The following EPHA10 variants were observed in gnomAD, a reference collection of about 807,000 sequenced individuals.
EPHA10 encodes ephrin type-A receptor 10.
Under a neutral mutation model 109.7 loss-of-function variants are expected in EPHA10, and 120 were observed. The observed-to-expected ratio is 1.09, with a 90% CI of 0.94 to 1.27. EPHA10 has a LOEUF of 1.27. EPHA10 is among the 50% of genes most tolerant of loss of function. The probability of loss-of-function intolerance (pLI) is 0.00; values close to 1 mark genes in which losing one functional copy is unlikely to be tolerated. For missense variants in EPHA10, 1,396 were observed against 1,411.1 expected (o/e 0.99, Z 0.17); for synonymous variants, 640 against 618.9 (o/e 1.03, Z -0.51).
At chr1:37,751,871 C>CA (rs150137057) in intron 5 of EPHA10, among the ~76,000 whole-genome samples, 28,201 of 127,292 alleles carry the variant, frequency 0.22, 2,651 homozygotes, top group South Asian at 0.28. Flanking sequence ...GACTCTGTCT[C>CA]AAAAAAAAAA....
chr1:37,757,045 C>T (rs1305450521), intron 3 of EPHA10, among the ~76,000 whole-genome samples: 1 of 152,144 alleles, frequency 6.6e-6, no homozygotes, highest in African/African-American at 2.4e-5. Flanking sequence ...CCAGGCTGAT[C>T]TTGAACTCCT....
chr1:37,759,717 A>G (rs1422220070), intron 3 of EPHA10, among the ~76,000 whole-genome samples: 1 of 152,088 alleles, frequency 6.6e-6, no homozygotes, highest in Non-Finnish European at 1.5e-5. Flanking sequence ...CAAGAACTCC[A>G]GGCTGTAATG....
intron 5 of EPHA10, among the ~76,000 whole-genome samples, chr1:37,738,485 C>G (rs1382015606): frequency 6.6e-6 from 1 of 152,160 alleles, no homozygotes; most frequent in African/African-American, 2.4e-5. Context: ...TTTAGGATGA[C>G]CACTACCAAA....
intron 5 of EPHA10, among the ~76,000 whole-genome samples, chr1:37,738,566 T>C (rs2148341593): frequency 6.6e-6 from 1 of 152,242 alleles, no homozygotes; most frequent in South Asian, 2.1e-4. Flanking sequence ...TGTGTAGGAA[T>C]GTAAATTGGT....
chr1:37,734,956 A>G (rs1646044611), intron 6 of EPHA10, among the ~76,000 whole-genome samples: 1 of 152,170 alleles, frequency 6.6e-6, no homozygotes, highest in African/African-American at 2.4e-5. Flanking sequence ...AATGATACGT[A>G]TAAGATTCAG....
At chr1:37,731,701 C>T (rs564012777) in intron 6 of EPHA10, 119 bp from the exon 7 acceptor site, 50 of 1,112,378 alleles carry the variant, frequency 4.5e-5, no homozygotes, top group Middle Eastern at 3.2e-4. Flanking sequence ...GGGCTGAGTG[C>T]GAAAACCCAA....
At chr1:37,715,916 G>A (rs1305639775), downstream of EPHA10, 1 of 568,646 alleles carries the variant, frequency 1.8e-6, no homozygotes, top group African/African-American at 1.8e-5. Flanking sequence ...GAAGGGGGCA[G>A]AAGCCCTTCC....
At chr1:37,747,412 G>A (rs188885160) in intron 5 of EPHA10, among the ~76,000 whole-genome samples, 36 of 152,040 alleles carry the variant, frequency 2.4e-4, no homozygotes, top group Non-Finnish European at 4.7e-4. Context: ...TTAGCCAGGC[G>A]TAGTGGTGTG....
At chr1:37,723,983 G>A (rs942124964) in intron 8 of EPHA10, among the ~76,000 whole-genome samples, 2 of 152,254 alleles carry the variant, frequency 1.3e-5, no homozygotes, top group Non-Finnish European at 2.9e-5. Flanking sequence ...CCAAGATAAA[G>A]ACTTTGGCTT....
At position 37,723,389 on chromosome 1, in the gene EPHA10, G is replaced by C. The variant is rs1192197497; in HGVS notation, c.1773-17C>G. The C allele has an allele frequency of 6.2e-7, 1 of 1,613,472 alleles. No homozygotes were observed. The highest frequency in any genetic ancestry group is 8.5e-7 in the Non-Finnish European group (1 of 1,179,760). On this transcript the variant is annotated splice_polypyrimidine_tract_variant and intron_variant, in intron 8 of 16. Transcript: ENST00000373048. The stretch of plus-strand genomic sequence containing the variant: ...CTGCAGGGCCTGGCAGGGAGTTCAG[G>C]GTCATTCTTTCAGCCAGGCCACCCC...
At position 37,735,377 on chromosome 1, in the gene EPHA10, C is replaced by T. The variant is rs751312610; in HGVS notation, c.1371G>A (p.Glu457=). ...VSTGPGAPWE[E]DEIRRDRVEP... ...CCACTCGGTCCCTGCGGATCTCATCCTCCTCCCAGGGCGCTGAAAGTAAGT... is the reference window on the plus strand; with the variant it reads ...CCACTCGGTCCCTGCGGATCTCATCTTCCTCCCAGGGCGCTGAAAGTAAGT... Residue 457 remains glutamate, a synonymous_variant, in exon 6 of 17, where the codon GAG becomes GAA. Coordinates refer to ENST00000373048, the MANE Select transcript of EPHA10 (RefSeq NM_001099439.2). The T allele has an allele frequency of 4.4e-6, 7 of 1,581,236 alleles. No individual in the cohort carries two copies. Among genetic ancestry groups the T allele is most frequent in the Middle Eastern group, 1.7e-4 (1 of 6,026 alleles).
Position 37,765,027 on chromosome 1 carries a change from G to C in EPHA10, c.40C>G (p.Leu14Val), listed in dbSNP as rs139950312. ...CAGPHPLRLF[L>V]CRMQLCLALL... is the part of the protein sequence containing the mutation. ...GCGAGACAGAGCTGCATCCGGCAGA[G>C]GAAGAGGCGCAGCGGGTGTGGACCG... Residue 14 changes from leucine to valine, a missense_variant, in exon 1 of 17, where the codon CTC becomes GTC. Physicochemically the swap from Leu to Val is conservative, Grantham distance 32 (BLOSUM62 1). Transcript: ENST00000373048. The C allele has an allele frequency of 1.9e-4, 306 of 1,610,312 alleles. No homozygotes were observed. In the African/African-American group the frequency reaches 3.7e-3, roughly 19 times the overall value.
Position 37,717,688 on chromosome 1 carries a change from C to G in EPHA10, c.*684G>C, listed in dbSNP as rs2148299854. On this transcript the variant is annotated 3_prime_UTR_variant, in exon 17 of 17. Transcript: ENST00000373048. ...AGGGCCTCTCATGGCCCGGCCTGGCCAGGACTTTTGGCCTCACCCTGAACT... is the reference window on the plus strand; with the variant it reads ...AGGGCCTCTCATGGCCCGGCCTGGCGAGGACTTTTGGCCTCACCCTGAACT... 4.3e-6 allele frequency: 1 copy of G among 231,576 alleles called. No individual in the cohort carries two copies. Among genetic ancestry groups the G allele is most frequent in the African/African-American group, 2.2e-5 (1 of 45,346 alleles). The allele number at this position is 231,576 out of a possible 1,614,324, so 14.3% of individuals were successfully genotyped here.
intron 5 of EPHA10, among the ~76,000 whole-genome samples, chr1:37,742,493 T>C (rs1164509639): frequency 2.6e-5 from 4 of 152,216 alleles, no homozygotes; most frequent in Admixed American, 6.5e-5. Flanking sequence ...ACAGTTCTTT[T>C]TCTGCCTCTG....
rs565778794 is a variant in EPHA10 at position 37,724,643 on chromosome 1, C to T, written c.1773-1271G>A. Reference sequence around the variant, plus strand: ...GGTAGAGAGAAATCACATAAAGGTACAAGGATGAGAGACCAAGGGAGGAGT... The same window carrying T: ...GGTAGAGAGAAATCACATAAAGGTATAAGGATGAGAGACCAAGGGAGGAGT... On this transcript the variant is annotated intron_variant, in intron 8 of 16. Transcript: ENST00000373048. Among the ~76,000 whole-genome samples, 171 of 152,278 alleles carry T rather than the reference C, an allele frequency of 1.1e-3. 1 individual carries two copies. Among genetic ancestry groups the T allele is most frequent in the African/African-American group, 3.9e-3 (162 of 41,560 alleles).
rs888824421 is a variant in EPHA10, at chr1:37,750,899, T to A, written c.1357+1977A>T. On this transcript the variant is annotated intron_variant, in intron 5 of 16. Transcript: ENST00000373048. ...AAGTTGTGCAAATCAAAAGGTTTAC[T>A]CAATCAAAAGAAATCCATATTGGTA... Among the ~76,000 whole-genome samples the A allele has an allele frequency of 2.0e-5, 3 of 151,864 alleles. No homozygotes were observed. The South Asian group carries it at 6.2e-4, about 32-fold the overall frequency.
rs758056739 is a variant in EPHA10, at chr1:37,761,541, T to C, written c.714A>G (p.Gly238=). The change falls in exon 3 of 17, where the codon GGA becomes GGG. Residue 238 remains glycine, a synonymous_variant. Coordinates refer to ENST00000373048, the MANE Select transcript of EPHA10 (RefSeq NM_001099439.2). ...CCCCTTCCGAGTGCGCCACGCACGT[T>C]CCGGCCACTTCCACCAGTGTGGAGA... The part of the protein sequence containing the change: ...SAFSTLVEVA[G]TCVAHSEGEP... The C allele has an allele frequency of 1.3e-5, 21 of 1,598,690 alleles. No homozygotes were observed. The African/African-American group carries it at 2.7e-4, about 20-fold the overall frequency.
At chr1:37,735,517 G>A in intron 5 of EPHA10, 127 bp from the exon 6 acceptor site, 1 of 1,145,434 alleles carries the variant, frequency 8.7e-7, no homozygotes, top group Non-Finnish European at 1.2e-6. Flanking sequence ...GTGGTCTAAC[G>A]GGCTGTGGGC....
intron 5 of EPHA10, among the ~76,000 whole-genome samples, chr1:37,751,273 A>T (rs1427224463): frequency 6.6e-6 from 1 of 151,400 alleles, no homozygotes; most frequent in East Asian, 1.9e-4. Flanking sequence ...TATTGGTTAA[A>T]TGATTATTTT....
Sources: allele counts gnomAD v4.1 joint callset (sites outside exome capture counted in the v4.1 genomes callset), GRCh38; gene constraint gnomAD v4.1.1; transcripts MANE v1.5; gene names NCBI Gene and HGNC (gene_info 2026-07-23, HGNC 2026-07-21).